Variants in COL22A1 observed in about 807,000 individuals in gnomAD.
COL22A1 encodes collagen alpha-1(XXII) chain.
Under a neutral mutation model 248.9 loss-of-function variants are expected in COL22A1, and 221 were observed. The ratio of observed to expected loss-of-function variants is 0.89; its 90% CI spans 0.80 to 0.99. The LOEUF is 0.99. Among genes scored for constraint, COL22A1 ranks in the 50% least tolerant of loss-of-function variants. The pLI is 0.00. For missense variants in COL22A1, 2,240 were observed against 2,179.0 expected, an observed-to-expected ratio of 1.03 and a Z score of -0.56; for synonymous variants, 891 against 793.4, an observed-to-expected ratio of 1.12 and a Z score of -2.07.
Position 138,703,333 on chromosome 8 carries a change from A to C in COL22A1, c.2532T>G (p.Pro844=), listed in dbSNP as rs773114755. 6.2e-7 allele frequency: 1 copy of C among 1,613,832 alleles called. No individual in the cohort carries two copies. The highest frequency in any genetic ancestry group is 8.5e-7 in the Non-Finnish European group (1 of 1,179,756). ...TTCCAGGTAACCCGGGAGGGCCTGC[A>C]GGACCAGCTTCACCCTAGATGGAGA... is the stretch of plus-strand genomic sequence containing the variant. ...GDRGEKGEAG[P]AGPPGLPGTT... is the part of the protein sequence containing the mutation. The change falls in exon 31 of 65, where the codon CCT becomes CCG. Residue 844 remains proline, a synonymous_variant. Coordinates refer to ENST00000303045, the MANE Select transcript of COL22A1 (RefSeq NM_152888.3).
intron 49 of COL22A1, among the ~76,000 whole-genome samples, 153 bp from the exon 50 acceptor site, chr8:138,630,901 C>T (rs1304619475): frequency 6.6e-6 from 1 of 152,102 alleles, no homozygotes; most frequent in African/African-American, 2.4e-5. Flanking sequence ...GTAGGTGGGC[C>T]CTGGTGGGAG....
At chr8:138,744,714 G>A (rs1163705491) in intron 22 of COL22A1, among the ~76,000 whole-genome samples, 1 of 152,208 alleles carries the variant, frequency 6.6e-6, no homozygotes, top group Non-Finnish European at 1.5e-5. Context: ...AGAATCATGG[G>A]TGCAAACAAT....
At chr8:138,899,584 G>A (rs1052543755) in intron 1 of COL22A1, among the ~76,000 whole-genome samples, 1 of 152,054 alleles carries the variant, frequency 6.6e-6, no homozygotes, top group East Asian at 1.9e-4. Flanking sequence ...AGTGCAGTGG[G>A]ACAATCTTGG....
rs1474167358 is a variant in COL22A1, at chr8:138,591,453, C to T, written c.4664G>A (p.Arg1555Gln). 1.1e-5 allele frequency: 17 copies of T among 1,581,192 alleles called. No homozygotes were observed. Among genetic ancestry groups the T allele is most frequent in the East Asian group, 4.7e-5 (2 of 42,188 alleles). ...GDPGAPGVGL[R>Q]GEMGPPGIPG... Reference sequence around the variant, plus strand: ...GATTCCAGGGGGTCCCATCTCGCCTCGGAGGCCAACTCCAGGTGCACCTGG... The same window carrying T: ...GATTCCAGGGGGTCCCATCTCGCCTTGGAGGCCAACTCCAGGTGCACCTGG... The change falls in exon 64 of 65, where the codon CGA becomes CAA. Residue 1555 changes from arginine (R) to glutamine (Q), a missense_variant. Arg to Gln is a conservative substitution (Grantham distance 43). Transcript: ENST00000303045.
At chr8:138,850,699 C>A (rs780044225) in intron 3 of COL22A1, among the ~76,000 whole-genome samples, 4 of 152,218 alleles carry the variant, frequency 2.6e-5, no homozygotes, top group Admixed American at 2.6e-4. Flanking sequence ...GGGGAAAGAA[C>A]CTCGAGCTCC....
chr8:138,719,518 T>C (rs1395561837), intron 27 of COL22A1, among the ~76,000 whole-genome samples: 2 of 152,172 alleles, frequency 1.3e-5, no homozygotes, highest in Non-Finnish European at 2.9e-5. Context: ...CTGGGTGTGC[T>C]TGAGACAGCT....
At chr8:138,888,193 C>T (rs1424365241) in intron 1 of COL22A1, among the ~76,000 whole-genome samples, 1 of 152,196 alleles carries the variant, frequency 6.6e-6, no homozygotes, top group Non-Finnish European at 1.5e-5. Context: ...TGAGCCTACC[C>T]TGCACAGGTT....
chr8:138,621,173 G>T (rs1411152696), intron 52 of COL22A1, among the ~76,000 whole-genome samples: 1 of 152,240 alleles, frequency 6.6e-6, no homozygotes, highest in Admixed American at 6.5e-5. Flanking sequence ...CCCACCCAGG[G>T]AGGTGTCTGC....
At chr8:138,867,999 G>C (rs955429518) in intron 3 of COL22A1, among the ~76,000 whole-genome samples, 3 of 152,132 alleles carry the variant, frequency 2.0e-5, no homozygotes, top group Non-Finnish European at 4.4e-5. Context: ...TCCTGACCTC[G>C]TGATCTGCCC....
chr8:138,795,528 G>C (rs201088711), intron 12 of COL22A1, among the ~76,000 whole-genome samples: 9 of 144,866 alleles, frequency 6.2e-5, no homozygotes, highest in African/African-American at 1.8e-4. Context: ...CTCTCTTTCA[G>C]ACACACACAC....
At chr8:138,838,670 C>CAA (rs58257635) in intron 4 of COL22A1, among the ~76,000 whole-genome samples, 2,657 of 133,806 alleles carry the variant, frequency 0.02, 80 homozygotes, top group African/African-American at 0.064. Flanking sequence ...CAAAGGGCAC[C>CAA]AAAAAAAAAA....
At position 138,715,754 on chromosome 8, in the gene COL22A1, T is replaced by C. The variant is rs1322761426; in HGVS notation, c.2464-19A>G. 1 of 1,572,748 alleles carries C rather than the reference T, an allele frequency of 6.4e-7. No homozygotes were observed. The highest frequency in any genetic ancestry group is 8.7e-7 in the Non-Finnish European group (1 of 1,146,790). On this transcript the variant is annotated intron_variant, in intron 29 of 64. Coordinates refer to ENST00000303045, the MANE Select transcript of COL22A1 (RefSeq NM_152888.3). ...TTTCTCCCTATAATAAAAGATAAAA[T>C]TAGAAAACATTAGAACCCAAACCGA...
intron 47 of COL22A1, among the ~76,000 whole-genome samples, chr8:138,646,172 C>T (rs1161261092): frequency 6.6e-6 from 1 of 152,194 alleles, no homozygotes; most frequent in Non-Finnish European, 1.5e-5. Flanking sequence ...TAGACAGATG[C>T]CTTATCACTC....
At chr8:138,736,056 G>T (rs1435998018) in intron 23 of COL22A1, among the ~76,000 whole-genome samples, 1 of 152,074 alleles carries the variant, frequency 6.6e-6, no homozygotes, top group African/African-American at 2.4e-5. Flanking sequence ...GAGGCCAGGG[G>T]AACAGGGACA....
intron 41 of COL22A1, among the ~76,000 whole-genome samples, chr8:138,671,196 A>C (rs1824994785): frequency 6.6e-6 from 1 of 152,192 alleles, no homozygotes; most frequent in Non-Finnish European, 1.5e-5. Context: ...AAGAAAAAGT[A>C]AGGTATGTCA....
At chr8:138,601,978 G>T in intron 60 of COL22A1, 137 bp downstream of exon 60, 2 of 836,920 alleles carry the variant, frequency 2.4e-6, no homozygotes, top group Non-Finnish European at 2.0e-6. Flanking sequence ...AGGAAAAAGT[G>T]AACAAAATCA....
intron 5 of COL22A1, among the ~76,000 whole-genome samples, chr8:138,832,658 G>T (rs1264452965): frequency 4.6e-5 from 7 of 152,190 alleles, no homozygotes; most frequent in Non-Finnish European, 8.8e-5. Context: ...GCCACTCCGA[G>T]ATTCTGGTGA....
rs1308365832 is a variant in COL22A1, at chr8:138,690,804, C to T, written c.2808+17G>A. 7.5e-6 allele frequency: 12 copies of T among 1,603,144 alleles called. No homozygotes were observed. The highest frequency in any genetic ancestry group is 1.0e-5 in the Non-Finnish European group (12 of 1,174,544). ...TTGGTGGCTGGGCCGTGCGTATGCC[C>T]TCTCCCAATTACTCACCACACTTCC... On this transcript the variant is annotated intron_variant, in intron 36 of 64. Coordinates refer to ENST00000303045, the MANE Select transcript of COL22A1 (RefSeq NM_152888.3).
chr8:138,774,231 G>A (rs574755393), intron 16 of COL22A1, among the ~76,000 whole-genome samples: 21 of 152,200 alleles, frequency 1.4e-4, no homozygotes, highest in African/African-American at 4.3e-4. Flanking sequence ...TTTGGGGAAC[G>A]AGGCCAGTCC....
Sources: gnomAD v4.1 joint callset for allele counts (sites outside exome capture counted in the v4.1 genomes callset) on GRCh38, gnomAD v4.1.1 for gene constraint, MANE v1.5 for transcripts, NCBI Gene and HGNC (gene_info 2026-07-23, HGNC 2026-07-21) for gene names.